DHX36: variants seen among roughly 807,000 people sequenced by gnomAD.
DHX36 encodes DEAH-box helicase 36.
In DHX36, 50 loss-of-function variants were observed where a neutral mutation model predicts 139.0. That is an observed-to-expected ratio of 0.36 (90% CI 0.29 to 0.46). The LOEUF is 0.46. Among genes scored for constraint, DHX36 ranks in the 20% least tolerant of loss-of-function variants. The pLI is 1.00. For missense variants in DHX36, 1,024 were observed against 1,211.3 expected, an observed-to-expected ratio of 0.85 and a Z score of 2.29; for synonymous variants, 425 against 401.9, an observed-to-expected ratio of 1.06 and a Z score of -0.69.
chr3:154,296,322 A>C (rs1303357149), intron 12 of DHX36, among the ~76,000 whole-genome samples: 4 of 152,052 alleles, frequency 2.6e-5, no homozygotes, highest in Non-Finnish European at 5.9e-5. Flanking sequence ...AAAATACAAA[A>C]ACTTAGCTGG....
At chr3:154,308,223 C>A (rs1041053761) in intron 5 of DHX36, among the ~76,000 whole-genome samples, 9 of 152,144 alleles carry the variant, frequency 5.9e-5, no homozygotes, top group Admixed American at 2.6e-4. Flanking sequence ...TTACACACTT[C>A]TTTTTAAAAA....
chr3:154,305,088 A>G lies in DHX36; in HGVS notation c.968+6T>C, dbSNP rs1559955246. The G allele has an allele frequency of 5.0e-6, 8 of 1,612,036 alleles. No homozygotes were observed. Among genetic ancestry groups the G allele is most frequent in the Non-Finnish European group, 6.8e-6 (8 of 1,179,294 alleles). On this transcript the variant is annotated splice_donor_region_variant and intron_variant, in intron 7 of 24. Coordinates refer to ENST00000496811, the MANE Select transcript of DHX36 (RefSeq NM_020865.3). ...ACTTATATTTCCTTAATTGAAACAT[A>G]CTCACGGGTCTGACTGGAGCCACTG...
intron 12 of DHX36, among the ~76,000 whole-genome samples, chr3:154,295,749 T>G (rs1310031829): frequency 2.0e-5 from 3 of 152,206 alleles, no homozygotes; most frequent in African/African-American, 7.2e-5. Context: ...CTGTTTAACA[T>G]GAATACGTTT....
Position 154,303,316 on chromosome 3 carries a change from A to C in DHX36, c.1217+13T>G. 6.4e-6 allele frequency: 10 copies of C among 1,550,720 alleles called. No homozygotes were observed. The highest frequency in any genetic ancestry group is 8.8e-6 in the Non-Finnish European group (10 of 1,135,194). ...TACTTTTTAATGTTTTTTATTTCCTAATGTTTACTTACCTTATTTTTTCAA... is the reference window on the plus strand; with the variant it reads ...TACTTTTTAATGTTTTTTATTTCCTCATGTTTACTTACCTTATTTTTTCAA... On this transcript the variant is annotated intron_variant, in intron 9 of 24. Transcript: ENST00000496811.
At chr3:154,317,105 G>A (rs542058170) in intron 1 of DHX36, among the ~76,000 whole-genome samples, 176 of 152,132 alleles carry the variant, frequency 1.2e-3, no homozygotes, top group African/African-American at 4.0e-3. Flanking sequence ...AAGTTGGGGA[G>A]AGACAAAAAG....
intron 9 of DHX36, among the ~76,000 whole-genome samples, chr3:154,301,404 T>C (rs1003118360): frequency 2.6e-5 from 4 of 152,202 alleles, no homozygotes; most frequent in Admixed American, 1.3e-4. Flanking sequence ...AACTTTTACC[T>C]TCTATTTTAA....
intron 22 of DHX36, chr3:154,280,275 A>C: frequency 4.0e-6 from 1 of 252,356 alleles, no homozygotes; most frequent in Non-Finnish European, 7.4e-6. Flanking sequence ...AATCTACTCT[A>C]AGCAATTTTT....
chr3:154,300,884 T>G (rs555166823), intron 10 of DHX36, 103 bp downstream of exon 10: 256 of 1,487,566 alleles, frequency 1.7e-4, no homozygotes, highest in Non-Finnish European at 2.3e-4. Flanking sequence ...AGACTCACAA[T>G]GCTCTCCTTT....
rs1227852413 is a variant in DHX36, at chr3:154,273,324, C to T, written c.*2847G>A. Reference sequence around the variant, plus strand: ...CATAAATTGGAGGTAACAATAACTGCTTTAATCTCTGTGAATGCCTCATCA... The same window carrying T: ...CATAAATTGGAGGTAACAATAACTGTTTTAATCTCTGTGAATGCCTCATCA... On this transcript the variant is annotated 3_prime_UTR_variant, in exon 25 of 25. Coordinates refer to ENST00000496811, the MANE Select transcript of DHX36 (RefSeq NM_020865.3). The T allele has an allele frequency of 6.6e-6, 1 of 152,160 alleles. No homozygotes were observed. Among genetic ancestry groups the T allele is most frequent in the Non-Finnish European group, 1.5e-5 (1 of 68,020 alleles). The allele number at this position is 152,160 out of a possible 1,614,324, so 9.4% of individuals were successfully genotyped here.
chr3:154,274,404 A>C lies in DHX36; in HGVS notation c.*1767T>G, dbSNP rs956333797. ...CTTAAACAATTGAAGGGTTTTTATT[A>C]TATCAACATAAGTCCACATGTAAAG... On this transcript the variant is annotated 3_prime_UTR_variant, in exon 25 of 25. Transcript: ENST00000496811. The C allele has an allele frequency of 6.1e-6, 1 of 164,090 alleles. No individual in the cohort carries two copies. Among genetic ancestry groups the C allele is most frequent in the Non-Finnish European group, 1.3e-5 (1 of 75,310 alleles). 10.2% of individuals were successfully genotyped at this position (164,090 alleles called of 1,614,324 possible). A position where few individuals can be genotyped will look rare whatever the true frequency, so the allele number is the denominator to read the frequency against.
intron 20 of DHX36, 113 bp downstream of exon 20, chr3:154,283,075 T>C (rs1450640094): frequency 4.1e-6 from 3 of 723,936 alleles, no homozygotes; most frequent in East Asian, 2.6e-5. Context: ...TATACAAATA[T>C]ACTCAATTTC....
chr3:154,316,219 ATTAT>A, intron 1 of DHX36, 56 bp from the exon 2 acceptor site: 1 of 1,600,890 alleles, frequency 6.2e-7, no homozygotes, highest in Non-Finnish European at 8.5e-7. Flanking sequence ...ATATGCAAAA[ATTAT>A]TTGATACTGA....
intron 22 of DHX36, chr3:154,280,329 T>C: frequency 2.8e-6 from 1 of 363,048 alleles, no homozygotes; most frequent in Non-Finnish European, 4.9e-6. Flanking sequence ...CTTCTAATAT[T>C]TACACTGGTA....
chr3:154,300,003 A>C (rs1712203169), intron 11 of DHX36, 78 bp from the exon 12 acceptor site: 1 of 922,496 alleles, frequency 1.1e-6, no homozygotes, highest in African/African-American at 1.7e-5. Flanking sequence ...TGCACACTGA[A>C]GTCTCCATTA....
At chr3:154,313,652 C>A (rs1440368522) in intron 3 of DHX36, among the ~76,000 whole-genome samples, 2 of 152,118 alleles carry the variant, frequency 1.3e-5, no homozygotes, top group Non-Finnish European at 2.9e-5. Context: ...TGTACTCTAG[C>A]CTGGGTGACA....
intron 1 of DHX36, among the ~76,000 whole-genome samples, chr3:154,319,630 T>A (rs1309338576): frequency 3.9e-5 from 6 of 152,166 alleles, no homozygotes; most frequent in Non-Finnish European, 8.8e-5. Context: ...TCACTGAAAT[T>A]TACCTTGCTT....
chr3:154,299,630 C>T (rs770451554), intron 12 of DHX36: 14 of 530,518 alleles, frequency 2.6e-5, no homozygotes, highest in Non-Finnish European at 4.4e-5. Flanking sequence ...AATGAAAAAC[C>T]TCACATACCT....
chr3:154,319,074 A>G (rs1378339507), intron 1 of DHX36: 1 of 152,176 alleles, frequency 6.6e-6, no homozygotes. Flanking sequence ...GGTAGCAGAG[A>G]ACATACCTTA....
At chr3:154,294,332 G>C (rs138561243) in intron 13 of DHX36, among the ~76,000 whole-genome samples, 1 of 151,894 alleles carries the variant, frequency 6.6e-6, no homozygotes, top group East Asian at 1.9e-4. Flanking sequence ...CCCACAACCC[G>C]ACAATGTCAC....
Sources: allele counts gnomAD v4.1 joint callset (sites outside exome capture counted in the v4.1 genomes callset), GRCh38; gene constraint gnomAD v4.1.1; transcripts MANE v1.5; gene names NCBI Gene and HGNC (gene_info 2026-07-23, HGNC 2026-07-21).